Variants in RCAN2 observed in about 807,000 individuals in gnomAD.
The protein encoded by RCAN2 is regulator of calcineurin 2.
In RCAN2, 9 loss-of-function variants were observed where a neutral mutation model predicts 23.6. That is an observed-to-expected ratio of 0.38 (90% CI 0.23 to 0.67). RCAN2 has a LOEUF of 0.67. Among genes scored for constraint, RCAN2 ranks in the 30% least tolerant of loss-of-function variants. The pLI is 0.51. For missense variants in RCAN2, 273 were observed against 302.3 expected, an observed-to-expected ratio of 0.90 and a Z score of 0.72; for synonymous variants, 109 against 115.7, an observed-to-expected ratio of 0.94 and a Z score of 0.37.
At chr6:46,364,609 C>T (rs572977576) in intron 2 of RCAN2, among the ~76,000 whole-genome samples, 1 of 152,304 alleles carries the variant, frequency 6.6e-6, no homozygotes, top group East Asian at 1.9e-4. Flanking sequence ...GGTCGTCTCA[C>T]AAATTCATCA....
intron 2 of RCAN2, among the ~76,000 whole-genome samples, chr6:46,353,704 A>C (rs937887277): frequency 1.1e-4 from 17 of 152,168 alleles, no homozygotes; most frequent in African/African-American, 3.4e-4. Context: ...ACTCTTTTTA[A>C]AGAGGAAAAA....
At chr6:46,416,604 TC>T in intron 2 of RCAN2, among the ~76,000 whole-genome samples, 2 of 151,828 alleles carry the variant, frequency 1.3e-5, no homozygotes, top group Middle Eastern at 3.4e-3. Flanking sequence ...TCCCTCAACC[TC>T]CCAGGCTCAA....
chr6:46,387,060 T>G (rs1215131162), intron 2 of RCAN2, among the ~76,000 whole-genome samples: 1 of 152,206 alleles, frequency 6.6e-6, no homozygotes, highest in Non-Finnish European at 1.5e-5. Context: ...TGTAGAAAGT[T>G]GAAACTGGAT....
At chr6:46,239,352 C>T (rs998998195) in intron 4 of RCAN2, among the ~76,000 whole-genome samples, 1 of 152,134 alleles carries the variant, frequency 6.6e-6, no homozygotes, top group Non-Finnish European at 1.5e-5. Context: ...CCTTTGTAAC[C>T]TTTTTTCTCT....
At chr6:46,282,439 T>C (rs1303100897) in intron 2 of RCAN2, among the ~76,000 whole-genome samples, 3 of 150,274 alleles carry the variant, frequency 2.0e-5, no homozygotes, top group Non-Finnish European at 3.0e-5. Context: ...ATCGTGCCAC[T>C]GCACTCCAGC....
chr6:46,456,276 T>C (rs1240300471), intron 2 of RCAN2, among the ~76,000 whole-genome samples: 1 of 152,198 alleles, frequency 6.6e-6, no homozygotes, highest in Non-Finnish European at 1.5e-5. Flanking sequence ...CCAACTTACC[T>C]TCTCTAATAT....
intron 2 of RCAN2, among the ~76,000 whole-genome samples, chr6:46,361,305 A>C (rs1343564231): frequency 1.3e-5 from 2 of 152,230 alleles, no homozygotes; most frequent in Non-Finnish European, 2.9e-5. Context: ...CAAGAAGCCC[A>C]GCAGAGTAGC....
chr6:46,317,301 A>G (rs1763470011), intron 2 of RCAN2, among the ~76,000 whole-genome samples: 1 of 152,232 alleles, frequency 6.6e-6, no homozygotes, highest in Non-Finnish European at 1.5e-5. Flanking sequence ...AAAAGCTAAC[A>G]TGATCTCAAC....
At chr6:46,281,904 A>C (rs573876397) in intron 2 of RCAN2, among the ~76,000 whole-genome samples, 1 of 152,284 alleles carries the variant, frequency 6.6e-6, no homozygotes, top group Non-Finnish European at 1.5e-5. Flanking sequence ...ACAGTTAATA[A>C]GTAGCAGTTT....
At chr6:46,346,225 G>T (rs1403932149) in intron 2 of RCAN2, among the ~76,000 whole-genome samples, 1 of 152,044 alleles carries the variant, frequency 6.6e-6, no homozygotes, top group Non-Finnish European at 1.5e-5. Flanking sequence ...TGGCATACAG[G>T]TAAAGCAGTG....
At chr6:46,381,706 T>C (rs751049431) in intron 2 of RCAN2, among the ~76,000 whole-genome samples, 1 of 152,152 alleles carries the variant, frequency 6.6e-6, no homozygotes, top group Non-Finnish European at 1.5e-5. Context: ...TTGGCCACAG[T>C]CCAGTGCTTA....
intron 2 of RCAN2, among the ~76,000 whole-genome samples, chr6:46,332,653 G>T (rs1278987169): frequency 6.6e-6 from 1 of 151,926 alleles, no homozygotes; most frequent in African/African-American, 2.4e-5. Flanking sequence ...CATTTTTATG[G>T]CTGTATAGTA....
chr6:46,307,250 G>A (rs764932182), intron 2 of RCAN2, among the ~76,000 whole-genome samples: 11 of 152,264 alleles, frequency 7.2e-5, no homozygotes, highest in Admixed American at 4.6e-4. Flanking sequence ...TCAGGGAGAT[G>A]TTTGCAAACG....
rs146424892 is a variant in RCAN2 at position 46,351,904 on chromosome 6, A to C, written c.226-103008T>G. On this transcript the variant is annotated intron_variant, in intron 2 of 4. Coordinates refer to ENST00000371374, the MANE Select transcript of RCAN2 (RefSeq NM_001251974.2). ...CAGGAACTCAGTGTAGTTTACTTAG[A>C]GTGTTCTTTGATCTTTACCTCTTCC... 2.9e-4 allele frequency among the ~76,000 whole-genome samples: 44 copies of C among 152,288 alleles called. No homozygotes were observed. In the East Asian group the frequency reaches 7.7e-3, roughly 27 times the overall value.
rs551205587 is a variant in RCAN2 at position 46,227,848 on chromosome 6, T to C, written c.572-4547A>G. Reference sequence around the variant, plus strand: ...AATGTGTTTGCTCTTGCTTGTCTAATTCTTTTAATTGTGATGTTAGGGTGT... The same window carrying C: ...AATGTGTTTGCTCTTGCTTGTCTAACTCTTTTAATTGTGATGTTAGGGTGT... On this transcript the variant is annotated intron_variant, in intron 4 of 4. Coordinates refer to ENST00000371374, the MANE Select transcript of RCAN2 (RefSeq NM_001251974.2). Among the ~76,000 whole-genome samples the C allele has an allele frequency of 5.8e-4, 88 of 152,360 alleles. 1 individual carries two copies. In the South Asian group the frequency reaches 0.018, roughly 31 times the overall value.
intron 2 of RCAN2, among the ~76,000 whole-genome samples, chr6:46,251,901 A>G (rs1036897156): frequency 7.9e-5 from 12 of 152,272 alleles, no homozygotes; most frequent in Middle Eastern, 6.8e-3. Flanking sequence ...AAACAAAAGG[A>G]GCTCTTGCAC....
intron 2 of RCAN2, among the ~76,000 whole-genome samples, chr6:46,400,427 T>C (rs1310065937): frequency 1.3e-5 from 2 of 152,210 alleles, no homozygotes; most frequent in African/African-American, 4.8e-5. Flanking sequence ...ATTAGTTCCC[T>C]GGCTGCTGAT....
intron 2 of RCAN2, among the ~76,000 whole-genome samples, chr6:46,369,255 G>T (rs1342757624): frequency 1.3e-5 from 2 of 151,974 alleles, no homozygotes; most frequent in African/African-American, 4.8e-5. Flanking sequence ...ATGCCTTCTG[G>T]AATACCTCCT....
chr6:46,440,514 C>T (rs1435938965), intron 2 of RCAN2, among the ~76,000 whole-genome samples: 2 of 151,946 alleles, frequency 1.3e-5, no homozygotes, highest in African/African-American at 4.8e-5. Flanking sequence ...GATCACTGGA[C>T]ATCTTCTTTA....
Sources: gnomAD v4.1 joint callset for allele counts (sites outside exome capture counted in the v4.1 genomes callset) on GRCh38, gnomAD v4.1.1 for gene constraint, MANE v1.5 for transcripts, NCBI Gene and HGNC (gene_info 2026-07-23, HGNC 2026-07-21) for gene names.